The following CTNNA2 variants were observed in gnomAD, a reference collection of about 807,000 sequenced individuals.
CTNNA2 encodes the protein catenin alpha-2.
In CTNNA2, 42 loss-of-function variants were observed where a neutral mutation model predicts 101.0. That is an observed-to-expected ratio of 0.42 (90% confidence interval 0.32 to 0.54). The LOEUF is 0.54. Ranked by LOEUF, CTNNA2 falls within the 20% of genes least tolerant of loss-of-function variation. CTNNA2 has a pLI of 0.14. For synonymous variants in CTNNA2, 450 were observed against 456.4 expected (o/e 0.99, Z 0.18); for missense variants, 871 against 1,223.1 (o/e 0.71, Z 4.29).
intron 3 of CTNNA2, among the ~76,000 whole-genome samples, chr2:79,840,828 G>T (rs1679745386): frequency 6.6e-6 from 1 of 151,544 alleles, no homozygotes; most frequent in Non-Finnish European, 1.5e-5. Context: ...GCAGTGGCGT[G>T]GCGCGATCTC....
intron 9 of CTNNA2, among the ~76,000 whole-genome samples, chr2:80,434,903 A>G (rs1026828800): frequency 2.0e-5 from 3 of 152,046 alleles, no homozygotes; most frequent in Non-Finnish European, 4.4e-5. Flanking sequence ...CATTTCCTCT[A>G]CTTTGAATGA....
At chr2:80,633,404 G>C (rs1350614218) in intron 18 of CTNNA2, among the ~76,000 whole-genome samples, 1 of 152,160 alleles carries the variant, frequency 6.6e-6, no homozygotes, top group Non-Finnish European at 1.5e-5. Context: ...TATCTCAGGT[G>C]AATCCTGATG....
At chr2:80,111,258 A>G (rs567991369) in intron 7 of CTNNA2, among the ~76,000 whole-genome samples, 68 of 152,214 alleles carry the variant, frequency 4.5e-4, no homozygotes, top group Non-Finnish European at 8.1e-4. Flanking sequence ...AAAATCTTCT[A>G]CATTCTGTTT....
At chr2:79,732,989 T>C (rs1290231009) in intron 2 of CTNNA2, among the ~76,000 whole-genome samples, 1 of 152,162 alleles carries the variant, frequency 6.6e-6, no homozygotes, top group African/African-American at 2.4e-5. Context: ...TTTCATTGGC[T>C]AGAATTTGTC....
chr2:79,584,154 T>C (rs1354436679), intron 1 of CTNNA2, among the ~76,000 whole-genome samples: 2 of 152,194 alleles, frequency 1.3e-5, no homozygotes, highest in African/African-American at 4.8e-5. Flanking sequence ...CATTGGGTGC[T>C]ACAAAATAGT....
At chr2:79,221,341 T>G in intron 2 of CTNNA2, among the ~76,000 whole-genome samples, 1 of 152,116 alleles carries the variant, frequency 6.6e-6, no homozygotes, top group Admixed American at 6.6e-5. Flanking sequence ...TTTGCAGAGA[T>G]GGAGCCTTGC....
At chr2:79,536,366 A>G (rs1436183902) in intron 1 of CTNNA2, among the ~76,000 whole-genome samples, 1 of 152,126 alleles carries the variant, frequency 6.6e-6, no homozygotes. Flanking sequence ...CATTCAGGTT[A>G]ATTCTCCAGT....
intron 2 of CTNNA2, among the ~76,000 whole-genome samples, chr2:79,231,331 A>G (rs1247019407): frequency 6.6e-6 from 1 of 152,010 alleles, no homozygotes; most frequent in Non-Finnish European, 1.5e-5. Context: ...ATGAGATCTG[A>G]TGGGTTTATC....
chr2:80,307,251 C>G (rs1252993777), intron 7 of CTNNA2, among the ~76,000 whole-genome samples: 1 of 151,804 alleles, frequency 6.6e-6, no homozygotes. Flanking sequence ...TTTAGCTATT[C>G]TAAGTCATCT....
chr2:79,574,589 G>A (rs1675673136), intron 1 of CTNNA2, among the ~76,000 whole-genome samples: 1 of 152,158 alleles, frequency 6.6e-6, no homozygotes, highest in Admixed American at 6.6e-5. Flanking sequence ...TGGTACGTAT[G>A]TACCACAATT....
chr2:79,624,016 C>T (rs918157409), intron 1 of CTNNA2, among the ~76,000 whole-genome samples: 1 of 152,000 alleles, frequency 6.6e-6, no homozygotes, highest in East Asian at 1.9e-4. Flanking sequence ...CAGTCTCTCT[C>T]TTTCCCCCAT....
intron 6 of CTNNA2, among the ~76,000 whole-genome samples, chr2:79,875,373 C>T (rs1226980829): frequency 6.6e-6 from 1 of 152,096 alleles, no homozygotes; most frequent in East Asian, 1.9e-4. Context: ...TTAAATAACC[C>T]TGCAGGGGAG....
rs145112817 is a variant in CTNNA2, at chr2:79,712,075, C to T, written c.103-32312C>T. ...GCATTGATAAAACTGACAATAACTG[C>T]ATTTATTGAGCACTTACTATATCTG... On this transcript the variant is annotated intron_variant, in intron 2 of 18. Coordinates refer to ENST00000402739, the MANE Select transcript of CTNNA2 (RefSeq NM_001282597.3). Among the ~76,000 whole-genome samples the T allele has an allele frequency of 1.4e-4, 22 of 152,250 alleles. No individual in the cohort carries two copies. In the South Asian group the frequency reaches 4.6e-3, roughly 32 times the overall value.
chr2:79,594,493 A>T (rs1677064235), intron 1 of CTNNA2, among the ~76,000 whole-genome samples: 1 of 152,194 alleles, frequency 6.6e-6, no homozygotes, highest in Non-Finnish European at 1.5e-5. Context: ...ATTTCTTAAA[A>T]ACAGTTAGAA....
intron 3 of CTNNA2, among the ~76,000 whole-genome samples, chr2:79,320,642 G>A (rs1284151212): frequency 2.6e-5 from 4 of 152,072 alleles, no homozygotes; most frequent in East Asian, 1.9e-4. Flanking sequence ...GGAATCCACC[G>A]GCAAGACCTA....
chr2:80,439,344 T>A (rs1453543818), intron 9 of CTNNA2, among the ~76,000 whole-genome samples: 1 of 152,166 alleles, frequency 6.6e-6, no homozygotes. Context: ...AATGAAGCAT[T>A]GGTTATAGCT....
intron 2 of CTNNA2, among the ~76,000 whole-genome samples, chr2:79,299,734 A>G (rs1465429157): frequency 6.6e-6 from 1 of 152,204 alleles, no homozygotes; most frequent in African/African-American, 2.4e-5. Flanking sequence ...CTGAGGATTT[A>G]TTGACTCTAA....
intron 7 of CTNNA2, among the ~76,000 whole-genome samples, chr2:80,178,247 G>A (rs1416066322): frequency 6.6e-6 from 1 of 152,156 alleles, no homozygotes; most frequent in African/African-American, 2.4e-5. Flanking sequence ...TTTGATGATG[G>A]AATGGTGCTG....
At chr2:80,247,524 A>G (rs1402381578) in intron 7 of CTNNA2, among the ~76,000 whole-genome samples, 1 of 152,202 alleles carries the variant, frequency 6.6e-6, no homozygotes, top group Non-Finnish European at 1.5e-5. Flanking sequence ...TCAGTGAGCC[A>G]GACCGGTAGC....
Sources: gnomAD v4.1 joint callset for allele counts (sites outside exome capture counted in the v4.1 genomes callset) on GRCh38, gnomAD v4.1.1 for gene constraint, MANE v1.5 for transcripts, NCBI Gene and HGNC (gene_info 2026-07-23, HGNC 2026-07-21) for gene names.